Variants in KCNK13 observed in about 807,000 individuals in gnomAD.
The protein encoded by KCNK13 is potassium two pore domain channel subfamily K member 13.
A neutral mutation model predicts 23.4 loss-of-function variants in KCNK13; 12 were observed. The ratio of observed to expected loss-of-function variants is 0.51; its 90% CI spans 0.33 to 0.83. The LOEUF (loss-of-function observed/expected upper bound fraction) is 0.83. Ranked by LOEUF, KCNK13 falls within the 40% of genes least tolerant of loss-of-function variation. The pLI, the probability that KCNK13 is intolerant of heterozygous loss-of-function variation, is 0.02. For missense variants in KCNK13, 463 were observed against 556.3 expected, an observed-to-expected ratio of 0.83 and a Z score of 1.69; for synonymous variants, 231 against 229.5, an observed-to-expected ratio of 1.01 and a Z score of -0.06.
chr14:90,125,221 A>C (rs1224606875), intron 1 of KCNK13, among the ~76,000 whole-genome samples: 1 of 144,388 alleles, frequency 6.9e-6, no homozygotes, highest in Non-Finnish European at 1.5e-5. Flanking sequence ...GATCTACTTA[A>C]TTTTTTTTTT....
chr14:90,176,614 G>A (rs1890425089), intron 1 of KCNK13, among the ~76,000 whole-genome samples: 2 of 152,192 alleles, frequency 1.3e-5, no homozygotes, highest in South Asian at 2.1e-4. Flanking sequence ...GTCAAGCTTT[G>A]GTTCCTCGGA....
At chr14:90,154,680 C>T (rs143892530) in intron 1 of KCNK13, among the ~76,000 whole-genome samples, 80 of 152,268 alleles carry the variant, frequency 5.3e-4, no homozygotes, top group Non-Finnish European at 9.6e-4. Flanking sequence ...TATAAAAAAC[C>T]AATCAGTTTG....
intron 1 of KCNK13, among the ~76,000 whole-genome samples, chr14:90,135,128 T>C (rs1161864600): frequency 3.3e-5 from 5 of 152,244 alleles, no homozygotes; most frequent in African/African-American, 1.2e-4. Context: ...TCCACACTGC[T>C]GACCCAGGTC....
chr14:90,129,739 A>C (rs1172780504), intron 1 of KCNK13, among the ~76,000 whole-genome samples: 1 of 84,632 alleles, frequency 1.2e-5, no homozygotes, highest in Admixed American at 1.6e-4. Context: ...GTGTGACTGA[A>C]ACTTAGATAA....
At chr14:90,124,605 T>C (rs10146588) in intron 1 of KCNK13, among the ~76,000 whole-genome samples, 46,320 of 152,106 alleles carry the variant, frequency 0.3, 7,213 homozygotes, top group Admixed American at 0.38. Context: ...GGGACCTCGG[T>C]CCTGCAACCA....
intron 1 of KCNK13, among the ~76,000 whole-genome samples, chr14:90,092,067 G>A (rs908282250): frequency 1.4e-4 from 21 of 151,632 alleles, no homozygotes; most frequent in Admixed American, 1.3e-4. Flanking sequence ...GACTACAGGT[G>A]CCCGCCACCA....
intron 1 of KCNK13, among the ~76,000 whole-genome samples, chr14:90,093,999 T>C (rs1489578900): frequency 6.6e-6 from 1 of 152,146 alleles, no homozygotes; most frequent in Non-Finnish European, 1.5e-5. Context: ...GGCCTCTTTC[T>C]CTCATGACAG....
Position 90,184,850 on chromosome 14 carries a change from C to A in KCNK13, c.1074C>A (p.Ala358=), listed in dbSNP as rs1279169701. The A allele has an allele frequency of 6.2e-7, 1 of 1,613,752 alleles. No individual in the cohort carries two copies. Among genetic ancestry groups the A allele is most frequent in the Non-Finnish European group, 8.5e-7 (1 of 1,179,982 alleles). ...SMKDLLAANK[A]SLAILQKQLS... ...AGGACTTGCTGGCAGCCAACAAGGC[C>A]TCGTTGGCCATCCTGCAGAAGCAAC... The change falls in exon 2 of 2, where the codon GCC becomes GCA. Residue 358 remains alanine, a synonymous_variant. Coordinates refer to ENST00000282146, the MANE Select transcript of KCNK13 (RefSeq NM_022054.4). This position sits in a 1 kb window ranked among gnomAD's most constrained non-coding sequence, Gnocchi z 5.6.
intron 1 of KCNK13, among the ~76,000 whole-genome samples, chr14:90,138,760 G>A (rs1415303417): frequency 2.6e-5 from 4 of 152,204 alleles, no homozygotes; most frequent in African/African-American, 9.7e-5. Flanking sequence ...CTCCATAGCT[G>A]CACCCATGGG....
intron 1 of KCNK13, among the ~76,000 whole-genome samples, chr14:90,172,312 A>G (rs1007619): frequency 0.33 from 36,964 of 110,582 alleles, 6,025 homozygotes; most frequent in East Asian, 0.67. Context: ...GCCAGAGTCT[A>G]TATCAAAAAA....
intron 1 of KCNK13, among the ~76,000 whole-genome samples, chr14:90,148,355 C>T (rs984834979): frequency 1.3e-5 from 2 of 152,210 alleles, no homozygotes; most frequent in Admixed American, 6.5e-5. Flanking sequence ...ATACATGCCA[C>T]GATGAGATCC....
intron 1 of KCNK13, among the ~76,000 whole-genome samples, chr14:90,124,819 A>T (rs1320492151): frequency 3.3e-5 from 5 of 152,268 alleles, no homozygotes; most frequent in African/African-American, 9.6e-5. Context: ...GCAGCAATAG[A>T]AAATGAATAC....
At chr14:90,112,635 AAATT>A (rs1474290136) in intron 1 of KCNK13, among the ~76,000 whole-genome samples, 1 of 152,248 alleles carries the variant, frequency 6.6e-6, no homozygotes, top group Non-Finnish European at 1.5e-5. Context: ...GAACTGCAAA[AAATT>A]AAATGTGATA....
intron 1 of KCNK13, among the ~76,000 whole-genome samples, chr14:90,144,100 CT>C (rs1208810172): frequency 2.6e-5 from 4 of 152,148 alleles, no homozygotes; most frequent in African/African-American, 7.2e-5. Context: ...TACAAAAATG[CT>C]GCTGGAATTT....
intron 1 of KCNK13, among the ~76,000 whole-genome samples, chr14:90,174,440 C>T (rs1331199323): frequency 6.6e-6 from 1 of 152,204 alleles, no homozygotes; most frequent in Non-Finnish European, 1.5e-5. Context: ...CCTCCTTTGA[C>T]ACGTGGGGAT....
intron 1 of KCNK13, among the ~76,000 whole-genome samples, chr14:90,157,362 G>A (rs978047445): frequency 2.6e-5 from 4 of 152,054 alleles, no homozygotes; most frequent in Admixed American, 1.3e-4. Flanking sequence ...AGTCAAGCAC[G>A]TTGTAACCAC....
intron 1 of KCNK13, among the ~76,000 whole-genome samples, chr14:90,173,155 C>T (rs546300609): frequency 2.6e-5 from 4 of 152,226 alleles, no homozygotes; most frequent in African/African-American, 9.6e-5. Flanking sequence ...GAATGAAAAC[C>T]ACTATGTATC....
chr14:90,180,230 G>A (rs1890469901), intron 1 of KCNK13, among the ~76,000 whole-genome samples: 2 of 152,188 alleles, frequency 1.3e-5, no homozygotes, highest in Admixed American at 6.5e-5. Flanking sequence ...GCTCCCCAGT[G>A]TGGGTGTGAG....
At chr14:90,168,546 G>A (rs868093145) in intron 1 of KCNK13, among the ~76,000 whole-genome samples, 1 of 152,094 alleles carries the variant, frequency 6.6e-6, no homozygotes, top group African/African-American at 2.4e-5. Context: ...ACTCTAGCTC[G>A]TAGGTATTTC....
Sources: gnomAD v4.1 joint callset for allele counts (sites outside exome capture counted in the v4.1 genomes callset) on GRCh38, gnomAD v4.1.1 for gene constraint, Gnocchi (gnomAD v3.1) non-coding constraint, MANE v1.5 for transcripts, NCBI Gene and HGNC (gene_info 2026-07-23, HGNC 2026-07-21) for gene names.